Variants in SPHKAP observed in about 807,000 individuals in gnomAD.
SPHKAP encodes the protein A-kinase anchor protein SPHKAP.
SPHKAP carries 67 observed loss-of-function variants against 137.5 expected under a neutral mutation model. That is an observed-to-expected ratio of 0.49 (90% CI 0.40 to 0.60). The LOEUF is 0.60. SPHKAP is among the 20% of genes least tolerant of loss of function. SPHKAP has a pLI of 0.00. For synonymous variants in SPHKAP, 813 were observed against 785.3 expected (o/e 1.04, Z -0.59); for missense variants, 2,097 against 2,069.3 (o/e 1.01, Z -0.26).
At chr2:228,065,583 T>A (rs1696798254) in intron 3 of SPHKAP, among the ~76,000 whole-genome samples, 1 of 152,222 alleles carries the variant, frequency 6.6e-6, no homozygotes, top group Non-Finnish European at 1.5e-5. Context: ...AATTCTATTT[T>A]TGACAGTCAT....
At chr2:228,053,483 T>G (rs1270724404) in intron 3 of SPHKAP, among the ~76,000 whole-genome samples, 1 of 152,224 alleles carries the variant, frequency 6.6e-6, no homozygotes, top group African/African-American at 2.4e-5. Context: ...AAATCTGGCT[T>G]ACAGCATTCT....
chr2:228,062,501 A>G (rs1315229533), intron 3 of SPHKAP, among the ~76,000 whole-genome samples: 1 of 152,118 alleles, frequency 6.6e-6, no homozygotes, highest in East Asian at 1.9e-4. Context: ...CACATCTTGC[A>G]CACTGAAGTC....
chr2:228,004,753 T>C (rs1333562826), intron 7 of SPHKAP, among the ~76,000 whole-genome samples: 1 of 152,224 alleles, frequency 6.6e-6, no homozygotes, highest in East Asian at 1.9e-4. Context: ...TCTGGTATGT[T>C]GTGTCTTTGT....
At chr2:228,138,532 A>G (rs1356104075) in intron 1 of SPHKAP, among the ~76,000 whole-genome samples, 2 of 152,178 alleles carry the variant, frequency 1.3e-5, no homozygotes, top group Non-Finnish European at 2.9e-5. Context: ...TATGTCACCA[A>G]CTCATTGGTA....
chr2:228,128,565 T>C (rs1185668865), intron 2 of SPHKAP, among the ~76,000 whole-genome samples: 1 of 152,222 alleles, frequency 6.6e-6, no homozygotes, highest in Non-Finnish European at 1.5e-5. Flanking sequence ...TCTAGGATGG[T>C]AAATCCTTTC....
intron 1 of SPHKAP, among the ~76,000 whole-genome samples, chr2:228,170,069 C>T (rs1043434350): frequency 2.0e-5 from 3 of 151,924 alleles, no homozygotes; most frequent in African/African-American, 7.3e-5. Flanking sequence ...TTCAAGGCTT[C>T]AGTGGCTAAA....
At chr2:228,016,285 GT>G (rs1018514418) in intron 7 of SPHKAP, 120 bp downstream of exon 7, 8 of 1,404,828 alleles carry the variant, frequency 5.7e-6, no homozygotes, top group Middle Eastern at 2.2e-4. Context: ...TTTTTTTTTG[GT>G]CTTGAAAATT....
intron 11 of SPHKAP, among the ~76,000 whole-genome samples, chr2:227,985,925 T>C (rs951891309): frequency 2.6e-5 from 4 of 152,208 alleles, no homozygotes; most frequent in Non-Finnish European, 4.4e-5. Context: ...TTGGTCCCTA[T>C]ATTGCTCTGC....
chr2:228,025,283 G>T, intron 5 of SPHKAP, 111 bp downstream of exon 5: 1 of 1,160,730 alleles, frequency 8.6e-7, no homozygotes, highest in Non-Finnish European at 1.2e-6. Flanking sequence ...AAGACACTTT[G>T]ATTCCTATGT....
rs35512181 is a variant in SPHKAP, at chr2:228,131,486, C to CTT, written c.138+492_138+493dup. On this transcript the variant is annotated intron_variant, in intron 2 of 11. Transcript: ENST00000392056. ...TTGCAAGTATCTTAGAGCATAGTTT[C>CTT]TTTTTTTTTTTTATATCAGCTCTTA... Among the ~76,000 whole-genome samples the CTT allele has an allele frequency of 4.3e-3, 627 of 144,540 alleles. 4 individuals are homozygous for CTT. Among genetic ancestry groups the CTT allele is most frequent in the South Asian group, 0.019 (87 of 4,532 alleles). The allele number at this position is 144,540 out of a possible 152,430, so 94.8% of individuals were successfully genotyped here. A position where few individuals can be genotyped will look rare whatever the true frequency, so the allele number is the denominator to read the frequency against.
At chr2:228,152,133 C>A (rs1366487451) in intron 1 of SPHKAP, among the ~76,000 whole-genome samples, 1 of 152,110 alleles carries the variant, frequency 6.6e-6, no homozygotes, top group Non-Finnish European at 1.5e-5. Context: ...TTGCTTTATT[C>A]TCCACTATGC....
chr2:228,151,300 A>G (rs369762825), intron 1 of SPHKAP, among the ~76,000 whole-genome samples: 2 of 151,830 alleles, frequency 1.3e-5, no homozygotes, highest in East Asian at 3.9e-4. Context: ...TTCATGGTGT[A>G]TATGTGCCAC....
At chr2:228,063,903 G>T (rs117730211) in intron 3 of SPHKAP, among the ~76,000 whole-genome samples, 2 of 152,256 alleles carry the variant, frequency 1.3e-5, no homozygotes, top group East Asian at 3.9e-4. Context: ...GACATAAATT[G>T]GTCAATCTTT....
intron 3 of SPHKAP, among the ~76,000 whole-genome samples, chr2:228,089,519 A>G (rs1697651156): frequency 1.3e-5 from 2 of 152,222 alleles, no homozygotes; most frequent in Admixed American, 1.3e-4. Flanking sequence ...TGGAAGAACC[A>G]CCTGCTAAAG....
Position 227,980,216 on chromosome 2 carries a change from G to A in SPHKAP, c.*1501C>T, listed in dbSNP as rs957959685. 8 of 152,442 alleles carry A rather than the reference G, an allele frequency of 5.2e-5. No individual in the cohort carries two copies. Among genetic ancestry groups the A allele is most frequent in the Non-Finnish European group, 1.0e-4 (7 of 68,018 alleles). 9.4% of individuals were successfully genotyped at this position (152,442 alleles called of 1,614,324 possible). ...GCATTTAGTTAATGTGTCAAATTAA[G>A]CATAATAACCTAAATTTGGACTATC... On this transcript the variant is annotated 3_prime_UTR_variant, in exon 12 of 12. Transcript: ENST00000392056.
chr2:227,983,660 T>C (rs979007172), intron 11 of SPHKAP, among the ~76,000 whole-genome samples: 5 of 152,344 alleles, frequency 3.3e-5, no homozygotes, highest in East Asian at 1.9e-4. Context: ...TTTAGCATCA[T>C]TGAGGACGAA....
intron 3 of SPHKAP, among the ~76,000 whole-genome samples, chr2:228,098,889 G>T (rs1447508318): frequency 7.3e-5 from 11 of 150,182 alleles, no homozygotes; most frequent in African/African-American, 2.7e-4. Flanking sequence ...TTTGTTTTTT[G>T]CTTTTTGATT....
At chr2:228,173,004 A>C in intron 1 of SPHKAP, 2 of 983,876 alleles carry the variant, frequency 2.0e-6, no homozygotes, top group Non-Finnish European at 2.4e-6. Flanking sequence ...GAATAGCATT[A>C]ATGACCACTG....
intron 1 of SPHKAP, among the ~76,000 whole-genome samples, chr2:228,151,395 C>T (rs1212863601): frequency 2.6e-5 from 4 of 151,732 alleles, no homozygotes; most frequent in Non-Finnish European, 4.4e-5. Context: ...AATAAACATA[C>T]GTGTGCATGT....
Sources: gnomAD v4.1 joint callset for allele counts (sites outside exome capture counted in the v4.1 genomes callset) on GRCh38, gnomAD v4.1.1 for gene constraint, MANE v1.5 for transcripts, NCBI Gene and HGNC (gene_info 2026-07-23, HGNC 2026-07-21) for gene names.